The following PITX3 variants were observed in gnomAD, a reference collection of about 807,000 sequenced individuals.
PITX3 encodes pituitary homeobox 3.
A neutral mutation model predicts 14.2 loss-of-function variants in PITX3; 4 were observed. That is an observed-to-expected ratio of 0.28 (90% CI 0.14 to 0.65). PITX3 has a LOEUF of 0.65. PITX3 is among the 30% of genes least tolerant of loss of function. The pLI is 0.82. For missense variants in PITX3, 358 were observed against 426.8 expected, an observed-to-expected ratio of 0.84 and a Z score of 1.42; for synonymous variants, 194 against 204.5, an observed-to-expected ratio of 0.95 and a Z score of 0.44.
Position 102,230,413 on chromosome 10 carries a change from T to G in PITX3, c.*101A>C. 2.0e-6 allele frequency: 3 copies of G among 1,500,426 alleles called. No individual in the cohort carries two copies. The highest frequency in any genetic ancestry group is 2.7e-6 in the Non-Finnish European group (3 of 1,118,194). The allele number at this position is 1,500,426 out of a possible 1,614,324, so 92.9% of individuals were successfully genotyped here. A position where few individuals can be genotyped will look rare whatever the true frequency, so the allele number is the denominator to read the frequency against. The stretch of plus-strand genomic sequence containing the variant: ...CCCCCCAGCTGCCCAAACACCCCTT[T>G]CAGACCCTGGGGCGGGAGCAAGCCA... On this transcript the variant is annotated 3_prime_UTR_variant, in exon 4 of 4. Transcript: ENST00000370002.
chr10:102,233,117 T>C (rs1462453934), intron 1 of PITX3, among the ~76,000 whole-genome samples: 3 of 152,076 alleles, frequency 2.0e-5, no homozygotes, highest in African/African-American at 7.2e-5. Context: ...TATTATTATT[T>C]TATTTTTCTG....
Position 102,230,868 on chromosome 10 carries a change from C to T in PITX3, c.555G>A (p.Gln185=), listed in dbSNP as rs1019071736. 3.1e-6 allele frequency: 5 copies of T among 1,604,388 alleles called. No homozygotes were observed. Among genetic ancestry groups the T allele is most frequent in the Non-Finnish European group, 4.3e-6 (5 of 1,176,078 alleles). Residue 185 remains glutamine (Q), a synonymous_variant, in exon 4 of 4, where the codon CAG becomes CAA. Coordinates refer to ENST00000370002, the MANE Select transcript of PITX3 (RefSeq NM_005029.4). ...TGGAGCTGGGTGGCGAGAAGACGGG[C>T]TGCGAAGCCAGAGGCCCCACGTTGA... ...NSVNVGPLAS[Q]PVFSPPSSIA...
At chr10:102,235,066 G>A (rs1164963202) in intron 1 of PITX3, among the ~76,000 whole-genome samples, 1 of 151,978 alleles carries the variant, frequency 6.6e-6, no homozygotes, top group Non-Finnish European at 1.5e-5. Context: ...CCACACATGC[G>A]CTGCCACATC....
At chr10:102,237,110 G>T (rs887446743) in intron 1 of PITX3, among the ~76,000 whole-genome samples, 1 of 152,110 alleles carries the variant, frequency 6.6e-6, no homozygotes, top group African/African-American at 2.4e-5. Context: ...CAAGTATTAG[G>T]TGTTAAGAGG....
Position 102,230,796 on chromosome 10 carries a change from C to A in PITX3, c.627G>T (p.Val209=). 6 of 1,549,470 alleles carry A rather than the reference C, an allele frequency of 3.9e-6. No homozygotes were observed. Among genetic ancestry groups the A allele is most frequent in the Non-Finnish European group, 5.2e-6 (6 of 1,146,932 alleles). Residue 209 remains valine, a synonymous_variant, in exon 4 of 4, where the codon GTG becomes GTT. Coordinates refer to ENST00000370002, the MANE Select transcript of PITX3 (RefSeq NM_005029.4). The part of the protein sequence containing the change: ...VPSAAAAPGT[V]PGPGALQGLG... ...GGCCCTGCAGGGCCCCAGGCCCTGG[C>A]ACGGTGCCCGGGGCAGCCGCGGCGG...
At chr10:102,237,969 T>A (rs969253850) in intron 1 of PITX3, among the ~76,000 whole-genome samples, 1 of 151,816 alleles carries the variant, frequency 6.6e-6, no homozygotes, top group Non-Finnish European at 1.5e-5. Flanking sequence ...AAAAACAGCA[T>A]CTTTGTGACC....
At chr10:102,233,117 T>G (rs1462453934) in intron 1 of PITX3, among the ~76,000 whole-genome samples, 4 of 152,076 alleles carry the variant, frequency 2.6e-5, no homozygotes, top group Admixed American at 2.6e-4. Context: ...TATTATTATT[T>G]TATTTTTCTG....
rs1270186291 is a variant in PITX3, at chr10:102,230,968, G to A, written c.455C>T (p.Ser152Leu). 1.9e-6 allele frequency: 3 copies of A among 1,607,432 alleles called. No individual in the cohort carries two copies. The highest frequency in any genetic ancestry group is 1.3e-5 in the African/African-American group (1 of 74,820). Residue 152 changes from serine (S) to leucine (L), a missense_variant, in exon 4 of 4, where the codon TCG becomes TTG. Physicochemically the swap from Ser to Leu is moderately radical, Grantham distance 145. This residue lies in a region of PITX3 where 236 missense variants were observed against 250.2 expected (regional missense o/e 0.94). Transcript: ENST00000370002. ...PPYEEVYPGY[S>L]YGNWPPKALA... The stretch of plus-strand genomic sequence containing the variant: ...AGCCTTGGGCGGCCAGTTGCCGTAC[G>A]AGTAGCCGGGGTACACCTCCTCGTA...
intron 3 of PITX3, among the ~76,000 whole-genome samples, chr10:102,231,373 G>C (rs2070231023): frequency 6.6e-6 from 1 of 152,196 alleles, no homozygotes; most frequent in Non-Finnish European, 1.5e-5. Context: ...ACGGTGTCAG[G>C]GCCGAAGAAG....
intron 1 of PITX3, among the ~76,000 whole-genome samples, chr10:102,239,118 A>G (rs1347271584): frequency 6.6e-6 from 1 of 152,144 alleles, no homozygotes; most frequent in African/African-American, 2.4e-5. Flanking sequence ...CCAGAGGACT[A>G]AACTTTGAAA....
chr10:102,230,783 C>T lies in PITX3; in HGVS notation c.640G>A (p.Ala214Thr). The T allele has an allele frequency of 6.5e-7, 1 of 1,544,004 alleles. No individual in the cohort carries two copies. The highest frequency in any genetic ancestry group is 8.7e-7 in the Non-Finnish European group (1 of 1,144,042). The change falls in exon 4 of 4, where the codon GCC becomes ACC. Residue 214 changes from alanine (A) to threonine (T), a missense_variant. Ala to Thr is a moderately conservative substitution (Grantham distance 58, BLOSUM62 0). Transcript: ENST00000370002. ...GGGCCCCCGCCCAGGCCCTGCAGGG[C>T]CCCAGGCCCTGGCACGGTGCCCGGG... ...AAPGTVPGPG[A>T]LQGLGGGPPG... is the part of the protein sequence containing the mutation.
Position 102,230,448 on chromosome 10 carries a change from A to G in PITX3, c.*66T>C. On this transcript the variant is annotated 3_prime_UTR_variant, in exon 4 of 4. Coordinates refer to ENST00000370002, the MANE Select transcript of PITX3 (RefSeq NM_005029.4). The stretch of plus-strand genomic sequence containing the variant: ...GGGCGGGAGCAAGCCAGTCAAAATG[A>G]CCCCAGTCCGCGGAGGCTGTGAATC... The G allele has an allele frequency of 6.5e-7, 1 of 1,545,050 alleles. No homozygotes were observed. Among genetic ancestry groups the G allele is most frequent in the Non-Finnish European group, 8.8e-7 (1 of 1,142,354 alleles).
intron 1 of PITX3, 94 bp from the exon 2 acceptor site, chr10:102,232,186 C>T (rs1590405896): frequency 1.8e-5 from 13 of 723,850 alleles, no homozygotes; most frequent in Non-Finnish European, 2.2e-5. Context: ...TTCCCTGGCG[C>T]CTTTCTCAAC....
At chr10:102,237,586 A>G (rs913802575) in intron 1 of PITX3, among the ~76,000 whole-genome samples, 3 of 152,256 alleles carry the variant, frequency 2.0e-5, no homozygotes, top group African/African-American at 7.2e-5. Context: ...GCCCTGAATA[A>G]AGAAAAAAAC....
rs1435318240 is a variant in PITX3, at chr10:102,238,613, G to A, written c.-13+2720C>T. 2.0e-5 allele frequency among the ~76,000 whole-genome samples: 3 copies of A among 152,238 alleles called. No homozygotes were observed. In the East Asian group the frequency reaches 5.8e-4, roughly 29 times the overall value. The stretch of plus-strand genomic sequence containing the variant: ...TTCCAAACAAAGATTCTGCAGCTTG[G>A]GCATAATAATAGCAGTGCTTCTTAT... On this transcript the variant is annotated intron_variant, in intron 1 of 3. Coordinates refer to ENST00000370002, the MANE Select transcript of PITX3 (RefSeq NM_005029.4).
chr10:102,231,173 C>A, intron 3 of PITX3, 72 bp from the exon 4 acceptor site: 1 of 1,393,368 alleles, frequency 7.2e-7, no homozygotes, highest in Non-Finnish European at 9.4e-7. Flanking sequence ...GCCACCCCGA[C>A]GGGGCTTCCA....
chr10:102,230,920 T>C lies in PITX3; in HGVS notation c.503A>G (p.Lys168Arg). Residue 168 changes from lysine to arginine, a missense_variant, in exon 4 of 4, where the codon AAG (lysine) becomes AGG (arginine). Transcript: ENST00000370002. ...PKALAPPLAA[K>R]TFPFAFNSVN... ...CGAGTTGAAGGCGAATGGAAAGGTCTTGGCGGCGAGCGGCGGGGCAAGAGC... is the reference window on the plus strand; with the variant it reads ...CGAGTTGAAGGCGAATGGAAAGGTCCTGGCGGCGAGCGGCGGGGCAAGAGC... The C allele has an allele frequency of 6.2e-7, 1 of 1,612,102 alleles. No individual in the cohort carries two copies. The highest frequency in any genetic ancestry group is 1.1e-5 in the South Asian group (1 of 90,988).
intron 1 of PITX3, among the ~76,000 whole-genome samples, chr10:102,237,625 T>A (rs946636316): frequency 6.6e-6 from 1 of 152,094 alleles, no homozygotes; most frequent in Non-Finnish European, 1.5e-5. Context: ...CAACATCTAC[T>A]AGAAAACAGA....
chr10:102,231,542 C>T, intron 3 of PITX3, 46 bp downstream of exon 3: 1 of 1,320,882 alleles, frequency 7.6e-7, no homozygotes. Flanking sequence ...GCAGGCTGAG[C>T]GCGGAGGGCC....
Sources: allele counts gnomAD v4.1 joint callset (sites outside exome capture counted in the v4.1 genomes callset), GRCh38; gene constraint gnomAD v4.1.1; regional missense constraint gnomAD v4.1.1; transcripts MANE v1.5; gene names NCBI Gene and HGNC (gene_info 2026-07-23, HGNC 2026-07-21).